RNPEPL1: variants seen among roughly 807,000 people sequenced by gnomAD.
RNPEPL1 encodes the protein aminopeptidase RNPEPL1.
In RNPEPL1, 46 loss-of-function variants were observed where a neutral mutation model predicts 69.0. The observed-to-expected ratio is 0.67, with a 90% CI of 0.53 to 0.85. The LOEUF (loss-of-function observed/expected upper bound fraction) is 0.85. Among genes scored for constraint, RNPEPL1 ranks in the 40% least tolerant of loss-of-function variants. The probability of loss-of-function intolerance (pLI) is 0.00; values close to 1 mark genes in which losing one functional copy is unlikely to be tolerated. For missense variants in RNPEPL1, 869 were observed against 992.5 expected (o/e 0.88, Z 1.67); for synonymous variants, 525 against 454.1 (o/e 1.16, Z -1.98).
Position 240,568,887 on chromosome 2 carries a change from C to G in RNPEPL1, c.301C>G (p.Pro101Ala), listed in dbSNP as rs1218470090. 1 of 1,272,068 alleles carries G rather than the reference C, an allele frequency of 7.9e-7. No homozygotes were observed. Among genetic ancestry groups the G allele is most frequent in the Admixed American group, 3.8e-5 (1 of 26,192 alleles). The allele number at this position is 1,272,068 out of a possible 1,614,324, so 78.8% of individuals were successfully genotyped here. A position where few individuals can be genotyped will look rare whatever the true frequency, so the allele number is the denominator to read the frequency against. ...CGCCCCCGCCGCCGCCGCCGAGACGCCCTGCGCCTTCGCCTTCTCCGCCCC... is the reference window on the plus strand; with the variant it reads ...CGCCCCCGCCGCCGCCGCCGAGACGGCCTGCGCCTTCGCCTTCTCCGCCCC... Reference protein sequence around the residue: ...RRAPAAAAETPCAFAFSAPGP... With the variant: ...RRAPAAAAETACAFAFSAPGP... Residue 101 changes from proline to alanine, a missense_variant, in exon 1 of 11, where the codon CCC becomes GCC. Physicochemically the swap from Pro to Ala is conservative, Grantham distance 27. Coordinates refer to ENST00000270357, the MANE Select transcript of RNPEPL1 (RefSeq NM_018226.6). This position sits in a 1 kb window ranked among gnomAD's most constrained non-coding sequence, Gnocchi z 6.2.
At position 240,577,799 on chromosome 2, in the gene RNPEPL1, A is replaced by G. The variant is rs1203284391; in HGVS notation, c.2085A>G (p.Glu695=). 5.0e-6 allele frequency: 8 copies of G among 1,610,322 alleles called. No homozygotes were observed. The highest frequency in any genetic ancestry group is 1.7e-5 in the Admixed American group (1 of 59,836). The change falls in exon 11 of 11, where the codon GAA becomes GAG. Residue 695 remains glutamate (E), a synonymous_variant. Transcript: ENST00000270357. ...SEPSTELGKA[E]ADTDSDAQAL... ...CCAGCACGGAGCTGGGCAAGGCTGA[A>G]GCAGACACAGACTCGGACGCACAGG... is the stretch of plus-strand genomic sequence containing the variant.
At chr2:240,573,047 C>G in intron 2 of RNPEPL1, 63 bp from the exon 3 acceptor site, 1 of 1,485,354 alleles carries the variant, frequency 6.7e-7, no homozygotes, top group South Asian at 1.4e-5. Flanking sequence ...GACAGGCTCC[C>G]CGGCCGGGGC....
In RNPEPL1 at chr2:240,576,373, G is replaced by A. The variant is rs2093037694; in HGVS notation, c.1511-162G>A. 9.4e-6 allele frequency: 6 copies of A among 639,316 alleles called. No individual in the cohort carries two copies. The South Asian group carries it at 1.2e-4, about 13-fold the overall frequency. The allele number at this position is 639,316 out of a possible 1,614,324, so 39.6% of individuals were successfully genotyped here. A position where few individuals can be genotyped will look rare whatever the true frequency, so the allele number is the denominator to read the frequency against. On this transcript the variant is annotated intron_variant, in intron 8 of 10. Coordinates refer to ENST00000270357, the MANE Select transcript of RNPEPL1 (RefSeq NM_018226.6). ...GAAGCCCCTTCAGTGGCTTCAAGTGGCAGTGCTGGCTGGAGCTGACTCCGC... is the reference window on the plus strand; with the variant it reads ...GAAGCCCCTTCAGTGGCTTCAAGTGACAGTGCTGGCTGGAGCTGACTCCGC...
In RNPEPL1 at chr2:240,569,080, T is replaced by A; in HGVS notation, c.494T>A (p.Val165Asp). ...PELQAHQPFQVILRYTSTDAP... is the reference protein window; with the variant it reads ...PELQAHQPFQDILRYTSTDAP... ...CTGCAGGCGCACCAGCCCTTCCAGG[T>A]CATCCTGCGGTACACCTCGACCGAC... is the stretch of plus-strand genomic sequence containing the variant. Residue 165 changes from valine (V) to aspartate (D), a missense_variant, in exon 1 of 11, where the codon GTC becomes GAC. By Grantham distance (152) the Val-to-Asp change is radical (BLOSUM62 -3). This residue lies in a region of RNPEPL1 where 610 missense variants were observed against 790.9 expected (regional missense o/e 0.77). Coordinates refer to ENST00000270357, the MANE Select transcript of RNPEPL1 (RefSeq NM_018226.6). 6.6e-7 allele frequency: 1 copy of A among 1,507,244 alleles called. No homozygotes were observed. Among genetic ancestry groups the A allele is most frequent in the Non-Finnish European group, 8.8e-7 (1 of 1,135,444 alleles). The allele number at this position is 1,507,244 out of a possible 1,614,324, so 93.4% of individuals were successfully genotyped here. A position where few individuals can be genotyped will look rare whatever the true frequency, so the allele number is the denominator to read the frequency against.
At position 240,569,125 on chromosome 2, in the gene RNPEPL1, G is replaced by A. The variant is rs1333593656; in HGVS notation, c.528+11G>A. 1 of 1,472,970 alleles carries A rather than the reference G, an allele frequency of 6.8e-7. No homozygotes were observed. Among genetic ancestry groups the A allele is most frequent in the South Asian group, 1.3e-5 (1 of 78,120 alleles). 91.2% of individuals were successfully genotyped at this position (1,472,970 alleles called of 1,614,324 possible). On this transcript the variant is annotated intron_variant, in intron 1 of 10. Coordinates refer to ENST00000270357, the MANE Select transcript of RNPEPL1 (RefSeq NM_018226.6). ...ACCGACGCCCCCGCCGTGAGTCCGG[G>A]GCGGGCGCCGGGGCTGCGGGCCGGT...
In RNPEPL1 at chr2:240,576,995, G is replaced by A. The variant is rs201860940; in HGVS notation, c.1884+5G>A. 1.4e-5 allele frequency: 23 copies of A among 1,612,580 alleles called. No homozygotes were observed. The highest frequency in any genetic ancestry group is 6.7e-5 in the African/African-American group (5 of 74,924). On this transcript the variant is annotated splice_donor_5th_base_variant and intron_variant, in intron 10 of 10. Coordinates refer to ENST00000270357, the MANE Select transcript of RNPEPL1 (RefSeq NM_018226.6). Reference sequence around the variant, plus strand: ...CGGCGCTTCCTGGAGAGCCAGGTGCGGTCACCTGCCCAGGGGGCCAGCCTG... The same window carrying A: ...CGGCGCTTCCTGGAGAGCCAGGTGCAGTCACCTGCCCAGGGGGCCAGCCTG...
chr2:240,575,698 G>GA, intron 8 of RNPEPL1, 88 bp downstream of exon 8: 1 of 994,520 alleles, frequency 1.0e-6, no homozygotes, highest in Admixed American at 1.9e-5. Flanking sequence ...ACTCCACCTG[G>GA]AGGAAAGCCC....
chr2:240,572,723 G>A lies in RNPEPL1; in HGVS notation c.669+160G>A, dbSNP rs796427408. Among the ~76,000 whole-genome samples, 22 of 152,324 alleles carry A rather than the reference G, an allele frequency of 1.4e-4. 1 individual carries two copies. The highest frequency in any genetic ancestry group is 4.3e-4 in the African/African-American group (18 of 41,576). On this transcript the variant is annotated intron_variant, in intron 2 of 10. Coordinates refer to ENST00000270357, the MANE Select transcript of RNPEPL1 (RefSeq NM_018226.6). Reference sequence around the variant, plus strand: ...CCCTCCCTACTCTATGGGAGGAGCCGCTTTGCAGGGAACGGGGGAAGCCGG... The same window carrying A: ...CCCTCCCTACTCTATGGGAGGAGCCACTTTGCAGGGAACGGGGGAAGCCGG...
chr2:240,571,718 T>C (rs2093022081), intron 1 of RNPEPL1, among the ~76,000 whole-genome samples: 1 of 151,512 alleles, frequency 6.6e-6, no homozygotes, highest in African/African-American at 2.4e-5. Flanking sequence ...CTTAGGTGGG[T>C]AGCAGCTGCT....
At chr2:240,570,744 G>C (rs1198897302) in intron 1 of RNPEPL1, among the ~76,000 whole-genome samples, 1 of 152,172 alleles carries the variant, frequency 6.6e-6, no homozygotes, top group Non-Finnish European at 1.5e-5. Context: ...CTTCAGCCTT[G>C]TTCCTTTTCC....
chr2:240,571,486 G>A (rs78909033), intron 1 of RNPEPL1, among the ~76,000 whole-genome samples: 13,845 of 152,242 alleles, frequency 0.091, 727 homozygotes, highest in Non-Finnish European at 0.13. Flanking sequence ...CGAAGGTGAT[G>A]TGGCTGTGGT....
intron 4 of RNPEPL1, 48 bp from the exon 5 acceptor site, chr2:240,574,065 G>C: frequency 6.5e-7 from 1 of 1,548,792 alleles, no homozygotes. Flanking sequence ...GTGCAGGGTG[G>C]GAGTCTGAGC....
rs372398883 is a variant in RNPEPL1, at chr2:240,574,338, C to T, written c.1164C>T (p.Thr388=). 29 of 1,599,800 alleles carry T rather than the reference C, an allele frequency of 1.8e-5. No individual in the cohort carries two copies. The highest frequency in any genetic ancestry group is 5.3e-5 in the African/African-American group (4 of 74,960). Reference sequence around the variant, plus strand: ...CCTATGCCCAGCGCCGTATCACCACCGAGACCTACGGTGCGGCCAGGGCCG... The same window carrying T: ...CCTATGCCCAGCGCCGTATCACCACTGAGACCTACGGTGCGGCCAGGGCCG... ...LATYAQRRIT[T]ETYGAAFTCL... is the part of the protein sequence containing the mutation. The change falls in exon 5 of 11, where the codon ACC becomes ACT. Residue 388 remains threonine (T), a synonymous_variant. Coordinates refer to ENST00000270357, the MANE Select transcript of RNPEPL1 (RefSeq NM_018226.6).
chr2:240,572,288 C>T (rs1393775017), intron 1 of RNPEPL1, 135 bp from the exon 2 acceptor site: 2 of 1,049,866 alleles, frequency 1.9e-6, no homozygotes, highest in African/African-American at 1.6e-5. Flanking sequence ...TGGCTATTGG[C>T]CCTCGAACCC....
intron 6 of RNPEPL1, 67 bp downstream of exon 6, chr2:240,574,695 C>T: frequency 2.3e-6 from 3 of 1,307,604 alleles, no homozygotes; most frequent in Non-Finnish European, 3.3e-6. Context: ...CTTGCCTGCC[C>T]TTCGTGTGTT....
chr2:240,574,428 T>A, intron 5 of RNPEPL1, 80 bp downstream of exon 5: 1 of 1,541,776 alleles, frequency 6.5e-7, no homozygotes, highest in Non-Finnish European at 8.8e-7. Context: ...CTGGCCCCCC[T>A]GCCATGCTGC....
Position 240,576,876 on chromosome 2 carries a change from C to T in RNPEPL1, c.1770C>T (p.Tyr590=), listed in dbSNP as rs2093039306. ...QEVVMSLSKC[Y]SSLLDSMNAE... The stretch of plus-strand genomic sequence containing the variant: ...TGGTGATGAGCCTGTCCAAGTGCTA[C>T]TCCTCCCTGCTGGACTCGATGAACG... The change falls in exon 10 of 11, where the codon TAC becomes TAT. Residue 590 remains tyrosine, a synonymous_variant. Transcript: ENST00000270357. 2 of 1,613,124 alleles carry T rather than the reference C, an allele frequency of 1.2e-6. No homozygotes were observed. The highest frequency in any genetic ancestry group is 1.1e-5 in the South Asian group (1 of 91,086).
At position 240,577,808 on chromosome 2, in the gene RNPEPL1, A is replaced by G; in HGVS notation, c.2094A>G (p.Thr698=). The G allele has an allele frequency of 6.2e-7, 1 of 1,608,626 alleles. No homozygotes were observed. Among genetic ancestry groups the G allele is most frequent in the Middle Eastern group, 1.7e-4 (1 of 6,046 alleles). ...STELGKAEAD[T]DSDAQALLLG... is the part of the protein sequence containing the mutation. ...AGCTGGGCAAGGCTGAAGCAGACAC[A>G]GACTCGGACGCACAGGCCCTGCTGC... The change falls in exon 11 of 11, where the codon ACA becomes ACG. Residue 698 remains threonine, a synonymous_variant. Coordinates refer to ENST00000270357, the MANE Select transcript of RNPEPL1 (RefSeq NM_018226.6).
chr2:240,570,922 TG>T (rs1433585433), intron 1 of RNPEPL1, among the ~76,000 whole-genome samples: 1 of 151,684 alleles, frequency 6.6e-6, no homozygotes, highest in Non-Finnish European at 1.5e-5. Context: ...ACTGAGGCTG[TG>T]GGGTGGACAT....
Sources: allele counts gnomAD v4.1 joint callset (sites outside exome capture counted in the v4.1 genomes callset), GRCh38; gene constraint gnomAD v4.1.1; regional missense constraint gnomAD v4.1.1; non-coding constraint Gnocchi (gnomAD v3.1); transcripts MANE v1.5; gene names NCBI Gene and HGNC (gene_info 2026-07-23, HGNC 2026-07-21).